Variants in TSTD2 observed in about 807,000 individuals in gnomAD.
TSTD2 encodes the protein thiosulfate sulfurtransferase like domain containing 2, also known as thiosulfate sulfurtransferase/rhodanese-like domain-containing protein 2.
In TSTD2, 37 loss-of-function variants were observed where a neutral mutation model predicts 47.9. The observed-to-expected ratio is 0.77, with a 90% CI of 0.59 to 1.02. The LOEUF (loss-of-function observed/expected upper bound fraction) is 1.02, where lower values mean the gene tolerates loss of function less well. TSTD2 is among the 50% of genes least tolerant of loss of function. TSTD2 has a pLI of 0.00. For synonymous variants in TSTD2, 201 were observed against 215.9 expected (o/e 0.93, Z 0.61); for missense variants, 586 against 616.0 (o/e 0.95, Z 0.52).
At position 97,612,672 on chromosome 9, in the gene TSTD2, C is replaced by G. The variant is rs138692531; in HGVS notation, c.604-973G>C. On this transcript the variant is annotated intron_variant, in intron 4 of 9. Transcript: ENST00000341170. ...CTGGGTTCAAGCGATTCTCCTACCT[C>G]AGCCTCCTGAGTAGCTGGGATTACA... 1.6e-3 allele frequency among the ~76,000 whole-genome samples: 247 copies of G among 152,380 alleles called. 2 individuals are homozygous for G. Among genetic ancestry groups the G allele is most frequent in the African/African-American group, 5.7e-3 (236 of 41,592 alleles).
Position 97,626,009 on chromosome 9 carries a change from T to C in TSTD2, c.166-12A>G. 2 of 1,600,016 alleles carry C rather than the reference T, an allele frequency of 1.2e-6. No individual in the cohort carries two copies. Among genetic ancestry groups the C allele is most frequent in the Non-Finnish European group, 1.7e-6 (2 of 1,174,610 alleles). On this transcript the variant is annotated splice_polypyrimidine_tract_variant and intron_variant, in intron 2 of 9. Coordinates refer to ENST00000341170, the MANE Select transcript of TSTD2 (RefSeq NM_139246.5). ...AAAAGGGCAAAGGCCTGCAATTAGA[T>C]TTCAAATGCTAACACTGTTAAATAA...
chr9:97,602,645 A>C lies in TSTD2; in HGVS notation c.1375T>G (p.Cys459Gly). ...GQGFTACCVT[C>G]QDKGSRKVSG... ...ACTTTCCTGCTCCCCTTGTCTTGACATGTGACACAACAGGCTGTGAATCCT... is the reference window on the plus strand; with the variant it reads ...ACTTTCCTGCTCCCCTTGTCTTGACCTGTGACACAACAGGCTGTGAATCCT... The change falls in exon 10 of 10, where the codon TGT becomes GGT. Residue 459 changes from cysteine to glycine, a missense_variant. Transcript: ENST00000341170. 1 of 1,614,218 alleles carries C rather than the reference A, an allele frequency of 6.2e-7. No individual in the cohort carries two copies. Among genetic ancestry groups the C allele is most frequent in the South Asian group, 1.1e-5 (1 of 91,082 alleles).
chr9:97,605,365 C>T, intron 8 of TSTD2, 118 bp downstream of exon 8: 2 of 1,266,180 alleles, frequency 1.6e-6, no homozygotes, highest in South Asian at 1.4e-5. Flanking sequence ...GGGGTGAAGG[C>T]ATGCTTTGGC....
intron 5 of TSTD2, 99 bp downstream of exon 5, chr9:97,611,475 T>G: frequency 7.4e-7 from 1 of 1,349,206 alleles, no homozygotes; most frequent in Non-Finnish European, 9.9e-7. Flanking sequence ...GGTATTTATT[T>G]GGCACTGCTT....
chr9:97,603,093 A>C, intron 9 of TSTD2: 4 of 241,330 alleles, frequency 1.7e-5, no homozygotes, highest in South Asian at 1.1e-4. Context: ...CTGGCCAACT[A>C]CCTCCCAACC....
In TSTD2 at chr9:97,621,075, G is replaced by A. The variant is rs1199567477; in HGVS notation, c.483-3198C>T. ...TTGTGGGAAGTCAGGGACCCTGAAC[G>A]GAGGGACTGGCTGAAGCTGTGGCAG... On this transcript the variant is annotated intron_variant, in intron 3 of 9. Transcript: ENST00000341170. Among the ~76,000 whole-genome samples, 8 of 152,190 alleles carry A rather than the reference G, an allele frequency of 5.3e-5. No homozygotes were observed. The East Asian group carries it at 7.7e-4, about 15-fold the overall frequency.
chr9:97,622,091 TACGTTGA>T (rs1321508237), intron 3 of TSTD2, among the ~76,000 whole-genome samples: 2 of 152,114 alleles, frequency 1.3e-5, no homozygotes, highest in Admixed American at 1.3e-4. Context: ...GAAAAGAACC[TACGTTGA>T]CATATTGGGG....
In TSTD2 at chr9:97,631,102, A is replaced by G. The variant is rs186660195; in HGVS notation, c.-51+2141T>C. 6.6e-4 allele frequency among the ~76,000 whole-genome samples: 101 copies of G among 152,260 alleles called. 1 individual carries two copies. Among genetic ancestry groups the G allele is most frequent in the Non-Finnish European group, 6.6e-4 (45 of 68,012 alleles). On this transcript the variant is annotated intron_variant, in intron 1 of 9. Transcript: ENST00000341170. Reference sequence around the variant, plus strand: ...GATTCCTGACTCCTTATTTTCTCACACTATCATTCACTTGTTCAGAAAATA... The same window carrying G: ...GATTCCTGACTCCTTATTTTCTCACGCTATCATTCACTTGTTCAGAAAATA...
intron 6 of TSTD2, among the ~76,000 whole-genome samples, chr9:97,608,375 C>A (rs1165642905): frequency 6.6e-6 from 1 of 152,126 alleles, no homozygotes; most frequent in African/African-American, 2.4e-5. Flanking sequence ...GTGGCTGATG[C>A]CTATAATTCC....
Position 97,601,604 on chromosome 9 carries a change from T to C in TSTD2, c.*865A>G. 1.0e-6 allele frequency: 1 copy of C among 987,352 alleles called. No homozygotes were observed. The highest frequency in any genetic ancestry group is 1.2e-6 in the Non-Finnish European group (1 of 831,314). 61.2% of individuals were successfully genotyped at this position (987,352 alleles called of 1,614,324 possible). ...TGGTCTAGATCAGGGGCTGGCAAAC[T>C]TTTCTGTAAAAGGCCAGACAGTAAA... On this transcript the variant is annotated 3_prime_UTR_variant, in exon 10 of 10. Transcript: ENST00000341170.
intron 6 of TSTD2, among the ~76,000 whole-genome samples, chr9:97,606,733 C>T (rs1826371122): frequency 6.6e-6 from 1 of 152,084 alleles, no homozygotes; most frequent in African/African-American, 2.4e-5. Context: ...AAGGTCGAAC[C>T]CACGTTGAAG....
Position 97,605,549 on chromosome 9 carries a change from CTT to C in TSTD2, c.1045_1046del (p.Lys349GlufsTer13). 6.2e-7 allele frequency: 1 copy of C among 1,614,238 alleles called. No homozygotes were observed. Among genetic ancestry groups the C allele is most frequent in the Non-Finnish European group, 8.5e-7 (1 of 1,180,044 alleles). On this transcript the variant is annotated frameshift_variant, in exon 8 of 10. Coordinates refer to ENST00000341170, the MANE Select transcript of TSTD2 (RefSeq NM_139246.5). LOFTEE classifies it high-confidence loss of function. ...CCCCGGTACAGTACATCAGCACTCTCTTCTCTCTGAAAAGTTCTAGATTTTTG... is the reference window on the plus strand; with the variant it reads ...CCCCGGTACAGTACATCAGCACTCTCCTCTCTGAAAAGTTCTAGATTTTTG... ...VDKNLELFREKRVLMYCTGGI... is the reference protein window; with the variant it reads ...VDKNLELFREXRVLMYCTGGI...
intron 1 of TSTD2, among the ~76,000 whole-genome samples, chr9:97,631,275 C>G (rs988615854): frequency 1.3e-5 from 2 of 151,964 alleles, no homozygotes; most frequent in African/African-American, 4.8e-5. Context: ...CGCCACCACA[C>G]GCAGCTAATT....
intron 2 of TSTD2, among the ~76,000 whole-genome samples, chr9:97,626,911 G>T (rs1826730791): frequency 7.9e-6 from 1 of 126,662 alleles, no homozygotes; most frequent in Admixed American, 8.2e-5. Flanking sequence ...AAAGGCAAAA[G>T]AAATGCTACC....
At position 97,611,695 on chromosome 9, in the gene TSTD2, C is replaced by T. The variant is rs747590769; in HGVS notation, c.608G>A (p.Arg203Gln). The T allele has an allele frequency of 3.1e-6, 5 of 1,601,032 alleles. No individual in the cohort carries two copies. The highest frequency in any genetic ancestry group is 1.1e-5 in the South Asian group (1 of 90,660). Residue 203 changes from arginine (R) to glutamine (Q), a missense_variant, in exon 5 of 10, where the codon CGA (arginine) becomes CAA (glutamine). Arg to Gln is a conservative substitution (Grantham distance 43, BLOSUM62 1). Coordinates refer to ENST00000341170, the MANE Select transcript of TSTD2 (RefSeq NM_139246.5). ...CCCATTGATTCCTTCTGCAGCAATTCGAATCTGAGACACAAGACGGTGAAA... is the reference window on the plus strand; with the variant it reads ...CCCATTGATTCCTTCTGCAGCAATTTGAATCTGAGACACAAGACGGTGAAA... ...CQHLHLTGKI[R>Q]IAAEGINGTV...
At chr9:97,623,635 G>C (rs1162237502) in intron 3 of TSTD2, among the ~76,000 whole-genome samples, 2 of 152,222 alleles carry the variant, frequency 1.3e-5, no homozygotes, top group Non-Finnish European at 2.9e-5. Flanking sequence ...AAGGTGAGCA[G>C]ATCACCTGAG....
intron 3 of TSTD2, among the ~76,000 whole-genome samples, chr9:97,623,546 T>C (rs1199452697): frequency 2.0e-5 from 3 of 152,190 alleles, no homozygotes; most frequent in African/African-American, 7.2e-5. Flanking sequence ...CTAAAGAATA[T>C]GTAGAATGGT....
intron 8 of TSTD2, 61 bp from the exon 9 acceptor site, chr9:97,604,926 C>G: frequency 6.3e-7 from 1 of 1,593,314 alleles, no homozygotes; most frequent in Non-Finnish European, 8.5e-7. Flanking sequence ...AAGATGCTCA[C>G]GGAAGAACGG....
Position 97,602,390 on chromosome 9 carries a change from C to T in TSTD2, c.*79G>A, listed in dbSNP as rs1458952106. The T allele has an allele frequency of 2.8e-6, 4 of 1,450,800 alleles. No homozygotes were observed. Among genetic ancestry groups the T allele is most frequent in the Non-Finnish European group, 3.7e-6 (4 of 1,092,136 alleles). 89.9% of individuals were successfully genotyped at this position (1,450,800 alleles called of 1,614,324 possible). On this transcript the variant is annotated 3_prime_UTR_variant, in exon 10 of 10. Transcript: ENST00000341170. ...GAAGTTCCCGATTTCTCTGTTTCTG[C>T]AGTCTTGCCATGCTTTCTCTGTATA...
Sources: gnomAD v4.1 joint callset for allele counts (sites outside exome capture counted in the v4.1 genomes callset) on GRCh38, gnomAD v4.1.1 for gene constraint, MANE v1.5 for transcripts, NCBI Gene and HGNC (gene_info 2026-07-23, HGNC 2026-07-21) for gene names.